ALS2: variants seen among roughly 807,000 people sequenced by gnomAD.
ALS2 encodes alsin.
In ALS2, 117 loss-of-function variants were observed where a neutral mutation model predicts 203.4. The observed-to-expected ratio is 0.58, with a 90% CI of 0.50 to 0.67. ALS2 has a LOEUF of 0.67. Among genes scored for constraint, ALS2 ranks in the 30% least tolerant of loss-of-function variants. ALS2 has a pLI of 0.00. For missense variants in ALS2, 1,715 were observed against 1,989.4 expected, an observed-to-expected ratio of 0.86 and a Z score of 2.62; for synonymous variants, 718 against 725.9, an observed-to-expected ratio of 0.99 and a Z score of 0.17.
Position 201,757,694 on chromosome 2 carries a change from G to A in ALS2, c.1179C>T (p.Asn393=), listed in dbSNP as rs745557983. 6.2e-7 allele frequency: 1 copy of A among 1,613,872 alleles called. No homozygotes were observed. Among genetic ancestry groups the A allele is most frequent in the South Asian group, 1.1e-5 (1 of 91,088 alleles). Residue 393 remains asparagine, a synonymous_variant, in exon 5 of 34, where the codon AAC becomes AAT. Coordinates refer to ENST00000264276, the MANE Select transcript of ALS2 (RefSeq NM_020919.4). ...CAGATGCACAAGAGACCACCAGGCT[G>A]TTTAGGGCTGAGGTGCTTGTGGTAG... ...SPPTTSTSAL[N]SLVVSCASAV... is the part of the protein sequence containing the mutation.
intron 6 of ALS2, 80 bp downstream of exon 6, chr2:201,754,423 A>G: frequency 6.4e-7 from 1 of 1,559,578 alleles, no homozygotes. Context: ...TCTATGAGGA[A>G]AGTGAGATTT....
chr2:201,744,172 C>T, intron 10 of ALS2, 86 bp downstream of exon 10: 1 of 1,427,548 alleles, frequency 7.0e-7, no homozygotes, highest in Non-Finnish European at 9.9e-7. Context: ...AAACCATAAA[C>T]TAACAGGTTT....
At chr2:201,759,838 T>C in intron 4 of ALS2, 1 of 985,272 alleles carries the variant, frequency 1.0e-6, no homozygotes, top group Non-Finnish European at 1.2e-6. Context: ...TTTATGAGTA[T>C]GATCTTTTGT....
intron 26 of ALS2, 25 bp downstream of exon 26, chr2:201,710,966 C>A: frequency 7.5e-7 from 1 of 1,335,564 alleles, no homozygotes; most frequent in Non-Finnish European, 1.1e-6. Flanking sequence ...TTCACAAGAC[C>A]AATGTAATTT....
intron 13 of ALS2, among the ~76,000 whole-genome samples, chr2:201,732,399 C>CAAAAAAAAA (rs11288102): frequency 2.0e-4 from 17 of 85,028 alleles, no homozygotes; most frequent in Non-Finnish European, 2.2e-4. Flanking sequence ...ACTAAAAATA[C>CAAAAAAAAA]AAAAAAAAAA....
intron 1 of ALS2, among the ~76,000 whole-genome samples, chr2:201,771,027 C>T (rs4673208): frequency 0.99 from 147,612 of 149,200 alleles, 73,039 homozygotes; most frequent in Middle Eastern, 1. Context: ...CATCTTTTTA[C>T]ATCAGTATTT....
intron 1 of ALS2, among the ~76,000 whole-genome samples, chr2:201,773,605 C>A (rs1243500862): frequency 2.6e-5 from 4 of 152,116 alleles, no homozygotes; most frequent in African/African-American, 9.7e-5. Flanking sequence ...CCCAAGAGTA[C>A]ATATTAAGTG....
Position 201,718,207 on chromosome 2 carries a change from T to C in ALS2, c.3706A>G (p.Thr1236Ala). The C allele has an allele frequency of 6.2e-7, 1 of 1,612,274 alleles. No homozygotes were observed. The highest frequency in any genetic ancestry group is 2.2e-5 in the East Asian group (1 of 44,836). Reference sequence around the variant, plus strand: ...TAGTCTCCATTTGGCATAGTCAGTGTTCCCTAGGTAAAGTCAGAGAATAAA... The same window carrying C: ...TAGTCTCCATTTGGCATAGTCAGTGCTCCCTAGGTAAAGTCAGAGAATAAA... ...SDDWTLSGKG[T>A]LTMPNGDYIE... Residue 1236 changes from threonine to alanine, a missense_variant, in exon 24 of 34, where the codon ACA becomes GCA. Transcript: ENST00000264276.
chr2:201,734,591 A>G (rs1691767859), intron 12 of ALS2, among the ~76,000 whole-genome samples: 1 of 152,302 alleles, frequency 6.6e-6, no homozygotes, highest in African/African-American at 2.4e-5. Flanking sequence ...TTAATTTTAC[A>G]CAAGTGTTCT....
chr2:201,702,474 T>C (rs998203480), intron 33 of ALS2, among the ~76,000 whole-genome samples: 5 of 152,210 alleles, frequency 3.3e-5, no homozygotes, highest in Non-Finnish European at 1.5e-5. Context: ...TCCACATTTT[T>C]TGATGTTGTT....
intron 4 of ALS2, chr2:201,760,204 G>T: frequency 1.6e-6 from 1 of 617,050 alleles, no homozygotes; most frequent in Non-Finnish European, 2.0e-6. Context: ...CCAGCTACTT[G>T]GAAGGCTGAA....
intron 3 of ALS2, among the ~76,000 whole-genome samples, chr2:201,765,163 A>G (rs565935949): frequency 6.2e-4 from 94 of 152,222 alleles, no homozygotes; most frequent in Admixed American, 3.1e-3. Context: ...ATGCCTGGCT[A>G]ATTTTTAAAA....
chr2:201,771,819 T>A (rs1694395534), intron 1 of ALS2, among the ~76,000 whole-genome samples: 1 of 152,238 alleles, frequency 6.6e-6, no homozygotes, highest in Non-Finnish European at 1.5e-5. Flanking sequence ...TTATCATTCC[T>A]TAAGAGGGCA....
chr2:201,740,706 G>C (rs1559063883), intron 11 of ALS2, among the ~76,000 whole-genome samples: 1 of 152,104 alleles, frequency 6.6e-6, no homozygotes, highest in Non-Finnish European at 1.5e-5. Flanking sequence ...CCAACTATCT[G>C]TACATATTAT....
At chr2:201,778,551 T>C (rs1252619120) in intron 1 of ALS2, 1 of 152,088 alleles carries the variant, frequency 6.6e-6, no homozygotes, top group African/African-American at 2.4e-5. Context: ...TTAAATGCAA[T>C]ATGAAAAAGA....
At chr2:201,765,908 T>C (rs550358457) in intron 3 of ALS2, 4 of 166,894 alleles carry the variant, frequency 2.4e-5, no homozygotes, top group African/African-American at 7.2e-5. Flanking sequence ...GTTCCAGTCC[T>C]GACTCTGACA....
intron 7 of ALS2, among the ~76,000 whole-genome samples, chr2:201,752,615 A>G (rs1693133704): frequency 6.6e-6 from 1 of 152,198 alleles, no homozygotes; most frequent in Non-Finnish European, 1.5e-5. Flanking sequence ...GTGAAGCACC[A>G]TTATCGAAAT....
At chr2:201,758,147 A>G (rs1200414294) in intron 4 of ALS2, among the ~76,000 whole-genome samples, 1 of 152,196 alleles carries the variant, frequency 6.6e-6, no homozygotes, top group African/African-American at 2.4e-5. Flanking sequence ...GAAAAAATGC[A>G]AATTTCATTA....
chr2:201,747,865 G>A (rs10189608), intron 8 of ALS2, among the ~76,000 whole-genome samples: 149,293 of 152,338 alleles, frequency 0.98, 73,216 homozygotes, highest in Middle Eastern at 1. Flanking sequence ...GTGATTCAGT[G>A]GCCACCATGC....
Sources: gnomAD v4.1 joint callset for allele counts (sites outside exome capture counted in the v4.1 genomes callset) on GRCh38, gnomAD v4.1.1 for gene constraint, MANE v1.5 for transcripts, NCBI Gene and HGNC (gene_info 2026-07-23, HGNC 2026-07-21) for gene names.